Variants in SCRN1 observed in about 807,000 individuals in gnomAD.
SCRN1 encodes secernin 1, also known as secernin-1.
Under a neutral mutation model 43.3 loss-of-function variants are expected in SCRN1, and 19 were observed. The ratio of observed to expected loss-of-function variants is 0.44; its 90% CI spans 0.31 to 0.64. SCRN1 has a LOEUF of 0.64. SCRN1 is among the 30% of genes least tolerant of loss of function. The pLI is 0.09. For synonymous variants in SCRN1, 183 were observed against 188.9 expected (o/e 0.97, Z 0.26); for missense variants, 447 against 524.1 (o/e 0.85, Z 1.44).
upstream of SCRN1, chr7:29,989,826 C>A (rs1039033052): frequency 1.7e-4 from 167 of 987,012 alleles, no homozygotes; most frequent in Non-Finnish European, 1.6e-4. Flanking sequence ...CGCCGCCCCC[C>A]GCAGCAGCTG....
intron 1 of SCRN1, among the ~76,000 whole-genome samples, chr7:29,983,073 G>A (rs1309473927): frequency 2.0e-5 from 3 of 151,860 alleles, no homozygotes; most frequent in African/African-American, 7.2e-5. Flanking sequence ...TCCTGACCTC[G>A]TGATCCGCCC....
chr7:29,944,287 G>C (rs998973589), intron 3 of SCRN1, 108 bp from the exon 4 acceptor site: 1 of 878,260 alleles, frequency 1.1e-6, no homozygotes, highest in Middle Eastern at 2.2e-4. Flanking sequence ...GCCAACATGT[G>C]TAAACATGTT....
rs149238934 is a variant in SCRN1 at position 29,921,630 on chromosome 7, C to T, written c.*2327G>A. ...TGTACCATGCCCTCTAGTGGTAGGA[C>T]TAGGACATCACAATTGTGGTGCAGA... On this transcript the variant is annotated 3_prime_UTR_variant, in exon 8 of 8. Coordinates refer to ENST00000242059, the MANE Select transcript of SCRN1 (RefSeq NM_014766.5). 6.6e-6 allele frequency: 1 copy of T among 152,336 alleles called. No individual in the cohort carries two copies. Among genetic ancestry groups the T allele is most frequent in the East Asian group, 1.9e-4 (1 of 5,182 alleles). 9.4% of individuals were successfully genotyped at this position (152,336 alleles called of 1,614,324 possible).
At chr7:29,978,440 T>A (rs1436561411) in intron 1 of SCRN1, among the ~76,000 whole-genome samples, 2 of 152,154 alleles carry the variant, frequency 1.3e-5, no homozygotes, top group Non-Finnish European at 2.9e-5. Context: ...CGGAGGCCAA[T>A]GAAAGCGCCA....
chr7:29,982,296 CAT>C (rs1189475205), intron 1 of SCRN1, among the ~76,000 whole-genome samples: 5 of 152,144 alleles, frequency 3.3e-5, no homozygotes, highest in Non-Finnish European at 5.9e-5. Context: ...CATACATATA[CAT>C]ATATGTGTGT....
intron 6 of SCRN1, among the ~76,000 whole-genome samples, chr7:29,928,972 G>C (rs1051375618): frequency 6.6e-6 from 1 of 152,218 alleles, no homozygotes; most frequent in Admixed American, 6.5e-5. Flanking sequence ...GTGGGGAGGA[G>C]GAGGGCCAGG....
At position 29,969,041 on chromosome 7, in the gene SCRN1, A is replaced by C; in HGVS notation, c.27T>G (p.Cys9Trp). The C allele has an allele frequency of 6.2e-7, 1 of 1,613,910 alleles. No homozygotes were observed. The highest frequency in any genetic ancestry group is 8.5e-7 in the Non-Finnish European group (1 of 1,179,944). The change falls in exon 2 of 8, where the codon TGT (cysteine) becomes TGG (tryptophan). Residue 9 changes from cysteine (C) to tryptophan (W), a missense_variant. Transcript: ENST00000242059. MAAAPPSYCFVAFPPRAKD... is the reference protein window; with the variant it reads MAAAPPSYWFVAFPPRAKD... The stretch of plus-strand genomic sequence containing the variant: ...TAGCACGTGGAGGGAAGGCAACAAA[A>C]CAGTAACTTGGAGGAGCTGCAGCCA...
intron 3 of SCRN1, 88 bp from the exon 4 acceptor site, chr7:29,944,267 T>C (rs903276787): frequency 1.1e-5 from 13 of 1,150,372 alleles, no homozygotes; most frequent in Non-Finnish European, 1.7e-5. Context: ...AAGGCCGAGT[T>C]ATGAAGCATG....
intron 4 of SCRN1, among the ~76,000 whole-genome samples, chr7:29,943,180 A>G (rs1787614749): frequency 6.6e-6 from 1 of 152,248 alleles, no homozygotes; most frequent in African/African-American, 2.4e-5. Flanking sequence ...ACAGGAGGGA[A>G]GAATGGCAGT....
intron 1 of SCRN1, among the ~76,000 whole-genome samples, chr7:29,976,718 C>G (rs1788847156): frequency 6.6e-6 from 1 of 152,222 alleles, no homozygotes; most frequent in Non-Finnish European, 1.5e-5. Flanking sequence ...TTCTAACCAC[C>G]ACTGTCCTCC....
chr7:29,960,059 G>A (rs917750912), intron 2 of SCRN1, among the ~76,000 whole-genome samples: 5 of 151,618 alleles, frequency 3.3e-5, no homozygotes, highest in Admixed American at 1.3e-4. Context: ...AGTGGTCATG[G>A]AGCTTTGCTC....
intron 6 of SCRN1, among the ~76,000 whole-genome samples, chr7:29,928,899 T>A (rs1174533205): frequency 6.6e-6 from 1 of 152,244 alleles, no homozygotes; most frequent in Admixed American, 6.5e-5. Context: ...TTGAATTCTT[T>A]AACTGGTGAG....
rs58247318 is a variant in SCRN1 at position 29,966,159 on chromosome 7, CAGAGAGAGAGAGAGAGAGAG to C, written c.159+2730_159+2749del. 5.2e-3 allele frequency among the ~76,000 whole-genome samples: 442 copies of C among 84,468 alleles called. 14 individuals are homozygous for C. The highest frequency in any genetic ancestry group is 0.049 in the Admixed American group (409 of 8,282). 55.4% of individuals were successfully genotyped at this position (84,468 alleles called of 152,430 possible). A position where few individuals can be genotyped will look rare whatever the true frequency, so the allele number is the denominator to read the frequency against. On this transcript the variant is annotated intron_variant, in intron 2 of 7. Transcript: ENST00000242059. The stretch of plus-strand genomic sequence containing the variant: ...AGACAGAGAGAGAGAGACCGAGAGA[CAGAGAGAGAGAGAGAGAGAG>C]AGAGAGAGAGAGAGAGAGAGAGAGA...
intron 1 of SCRN1, among the ~76,000 whole-genome samples, chr7:29,971,098 T>G (rs963270882): frequency 2.0e-5 from 3 of 152,170 alleles, no homozygotes; most frequent in Non-Finnish European, 4.4e-5. Flanking sequence ...TGTTTTATTT[T>G]ACAAGTCTGA....
intron 2 of SCRN1, among the ~76,000 whole-genome samples, chr7:29,956,468 T>G (rs994132231): frequency 6.6e-6 from 1 of 152,266 alleles, no homozygotes; most frequent in Non-Finnish European, 1.5e-5. Context: ...AGGAATCATT[T>G]ACATTTTAAA....
rs954565824 is a variant in SCRN1, at chr7:29,940,075, C to T, written c.739+607G>A. On this transcript the variant is annotated intron_variant, in intron 5 of 7. Coordinates refer to ENST00000242059, the MANE Select transcript of SCRN1 (RefSeq NM_014766.5). The stretch of plus-strand genomic sequence containing the variant: ...AGCAGGGGTGCAGCTGAGGGAGGAT[C>T]GCTTGAGTTCAGGAGGTGGAAGCTG... Among the ~76,000 whole-genome samples, 11 of 152,008 alleles carry T rather than the reference C, an allele frequency of 7.2e-5. No homozygotes were observed. In the East Asian group the frequency reaches 1.2e-3, roughly 16 times the overall value.
intron 7 of SCRN1, among the ~76,000 whole-genome samples, chr7:29,924,725 A>G (rs1048585426): frequency 6.6e-6 from 1 of 152,160 alleles, no homozygotes; most frequent in Admixed American, 6.5e-5. Flanking sequence ...AATGAAAAAA[A>G]AAATGGATCA....
intron 2 of SCRN1, among the ~76,000 whole-genome samples, chr7:29,961,236 C>G (rs1788298636): frequency 7.0e-6 from 1 of 142,886 alleles, no homozygotes; most frequent in Non-Finnish European, 1.5e-5. Context: ...GTGTTTGTGT[C>G]CCTGATTACT....
At chr7:29,961,507 C>G (rs1335505118) in intron 2 of SCRN1, among the ~76,000 whole-genome samples, 1 of 148,888 alleles carries the variant, frequency 6.7e-6, no homozygotes, top group Non-Finnish European at 1.5e-5. Flanking sequence ...ATTTCTCAAT[C>G]TTTTCCCCAC....
Sources: gnomAD v4.1 joint callset for allele counts (sites outside exome capture counted in the v4.1 genomes callset) on GRCh38, gnomAD v4.1.1 for gene constraint, MANE v1.5 for transcripts, NCBI Gene and HGNC (gene_info 2026-07-23, HGNC 2026-07-21) for gene names.